Variants in CREBL2 observed in about 807,000 individuals in gnomAD.
CREBL2 encodes the protein cAMP responsive element binding protein like 2, also known as cAMP-responsive element-binding protein-like 2.
Under a neutral mutation model 19.5 loss-of-function variants are expected in CREBL2, and 4 were observed. That is an observed-to-expected ratio of 0.20 (90% confidence interval 0.10 to 0.47). The LOEUF is 0.47. Ranked by LOEUF, CREBL2 falls within the 20% of genes least tolerant of loss-of-function variation. The probability of loss-of-function intolerance (pLI) is 0.98; values close to 1 mark genes in which losing one functional copy is unlikely to be tolerated. For synonymous variants in CREBL2, 42 were observed against 46.6 expected (o/e 0.90, Z 0.40); for missense variants, 85 against 145.1 (o/e 0.59, Z 2.13).
chr12:12,620,665 A>G (rs1364186378), intron 1 of CREBL2, among the ~76,000 whole-genome samples: 1 of 152,210 alleles, frequency 6.6e-6, no homozygotes, highest in Non-Finnish European at 1.5e-5. Flanking sequence ...TCTAAGTTTA[A>G]TCTAAGTTTA....
intron 3 of CREBL2, among the ~76,000 whole-genome samples, chr12:12,641,242 T>C (rs1288006434): frequency 2.2e-5 from 1 of 45,076 alleles, no homozygotes; most frequent in Non-Finnish European, 4.9e-5. Context: ...ATTATTATTA[T>C]TATTATTATT....
Position 12,617,643 on chromosome 12 carries a change from C to CTTTTTTTTTTTTTTTTTTTTTTTTTTT in CREBL2, c.15+5468_15+5494dup, listed in dbSNP as rs66943066. 1.3e-4 allele frequency among the ~76,000 whole-genome samples: 5 copies of CTTTTTTTTTTTTTTTTTTTTTTTTTTT among 38,766 alleles called. 2 individuals are homozygous for CTTTTTTTTTTTTTTTTTTTTTTTTTTT. Among genetic ancestry groups the CTTTTTTTTTTTTTTTTTTTTTTTTTTT allele is most frequent in the Non-Finnish European group, 2.2e-4 (4 of 18,568 alleles). The allele number at this position is 38,766 out of a possible 152,430, so 25.4% of individuals were successfully genotyped here. On this transcript the variant is annotated intron_variant, in intron 1 of 3. Transcript: ENST00000228865. The stretch of plus-strand genomic sequence containing the variant: ...CCCTGAGATGCTCATTTTAGTAATT[C>CTTTTTTTTTTTTTTTTTTTTTTTTTTT]TTTTTTTTTTTTTTTTTTTTTTTTT...
intron 3 of CREBL2, among the ~76,000 whole-genome samples, chr12:12,641,309 T>G (rs1300734693): frequency 2.3e-5 from 3 of 133,096 alleles, no homozygotes; most frequent in African/African-American, 5.3e-5. Context: ...GAACAATGTT[T>G]CAATATTTTT....
chr12:12,620,531 C>T (rs1945351574), intron 1 of CREBL2, among the ~76,000 whole-genome samples: 1 of 152,142 alleles, frequency 6.6e-6, no homozygotes, highest in Non-Finnish European at 1.5e-5. Context: ...TGCCCGGCCG[C>T]CTTCCTTTCT....
chr12:12,617,460 T>G (rs17819152), intron 1 of CREBL2, among the ~76,000 whole-genome samples: 9,331 of 152,098 alleles, frequency 0.061, 555 homozygotes, highest in Admixed American at 0.18. Flanking sequence ...TTTCCTTATC[T>G]GTTAAATGTG....
At chr12:12,625,865 T>A (rs567808054) in intron 1 of CREBL2, among the ~76,000 whole-genome samples, 1 of 152,324 alleles carries the variant, frequency 6.6e-6, no homozygotes, top group African/African-American at 2.4e-5. Context: ...TTTGTATTTA[T>A]CCCTAGAGTT....
At chr12:12,628,878 A>C (rs34946234) in intron 1 of CREBL2, among the ~76,000 whole-genome samples, 1 of 152,064 alleles carries the variant, frequency 6.6e-6, no homozygotes, top group African/African-American at 2.4e-5. Flanking sequence ...TGAAGAGACT[A>C]TTCTTTCCCC....
intron 1 of CREBL2, among the ~76,000 whole-genome samples, chr12:12,632,822 T>G (rs1945450633): frequency 6.6e-6 from 1 of 151,876 alleles, no homozygotes; most frequent in African/African-American, 2.4e-5. Context: ...TTAACCCATT[T>G]TAATATCTGG....
At chr12:12,613,765 G>T (rs1016653246) in intron 1 of CREBL2, among the ~76,000 whole-genome samples, 5 of 152,072 alleles carry the variant, frequency 3.3e-5, no homozygotes, top group African/African-American at 9.7e-5. Context: ...TCTTGCCCTT[G>T]TTTGTTTACA....
chr12:12,621,829 G>T (rs1945362304), intron 1 of CREBL2, among the ~76,000 whole-genome samples: 1 of 152,180 alleles, frequency 6.6e-6, no homozygotes, highest in Admixed American at 6.5e-5. Context: ...GAAAACCAAG[G>T]CCATAAATGT....
chr12:12,631,832 CT>C (rs1482089318), intron 1 of CREBL2, among the ~76,000 whole-genome samples: 2 of 152,134 alleles, frequency 1.3e-5, no homozygotes, highest in East Asian at 1.9e-4. Flanking sequence ...TTACCAAATA[CT>C]TTTTTTCTTT....
intron 1 of CREBL2, among the ~76,000 whole-genome samples, chr12:12,613,860 G>A (rs1945285916): frequency 1.3e-5 from 2 of 150,452 alleles, no homozygotes; most frequent in Non-Finnish European, 2.9e-5. Context: ...TGGGGAAGTG[G>A]TATTTCCAAG....
chr12:12,612,074 A>C lies in CREBL2; in HGVS notation c.-99A>C. ...GCGAGAGGAGGAGGCAGCCAGAACC[A>C]TATCCCCTTCTTCCTCGGGGCGGGG... On this transcript the variant is annotated 5_prime_UTR_variant, in exon 1 of 4. Transcript: ENST00000228865. 2 of 1,457,504 alleles carry C rather than the reference A, an allele frequency of 1.4e-6. No homozygotes were observed. The highest frequency in any genetic ancestry group is 1.9e-6 in the Non-Finnish European group (2 of 1,050,390). The allele number at this position is 1,457,504 out of a possible 1,614,324, so 90.3% of individuals were successfully genotyped here.
At position 12,635,686 on chromosome 12, in the gene CREBL2, T is replaced by G. The variant is rs1592242079; in HGVS notation, c.16-91T>G. 4 of 1,447,640 alleles carry G rather than the reference T, an allele frequency of 2.8e-6. No individual in the cohort carries two copies. In the East Asian group the frequency reaches 7.4e-5, roughly 27 times the overall value. The allele number at this position is 1,447,640 out of a possible 1,614,324, so 89.7% of individuals were successfully genotyped here. On this transcript the variant is annotated intron_variant, in intron 1 of 3. Transcript: ENST00000228865. ...CGTAGGGCTTCACTCACGTTTTGTT[T>G]ATAAATGTTCTCTTTGCTAATATGC...
chr12:12,620,088 G>T (rs1945348466), intron 1 of CREBL2, among the ~76,000 whole-genome samples: 1 of 151,916 alleles, frequency 6.6e-6, no homozygotes, highest in Admixed American at 6.6e-5. Flanking sequence ...ACCTTCCTTG[G>T]GCCGTGCCTT....
chr12:12,620,729 TATTA>T (rs1945352838), intron 1 of CREBL2, among the ~76,000 whole-genome samples: 1 of 152,262 alleles, frequency 6.6e-6, no homozygotes. Flanking sequence ...AAAGTTTATT[TATTA>T]ATTCATTCAA....
At chr12:12,618,237 G>A (rs1365075248) in intron 1 of CREBL2, among the ~76,000 whole-genome samples, 1 of 152,032 alleles carries the variant, frequency 6.6e-6, no homozygotes, top group Admixed American at 6.5e-5. Flanking sequence ...TCCCAGACGG[G>A]GCGGCTGCCG....
intron 1 of CREBL2, among the ~76,000 whole-genome samples, chr12:12,612,562 C>A (rs949559841): frequency 8.5e-5 from 13 of 152,098 alleles, no homozygotes; most frequent in South Asian, 4.1e-4. Context: ...GCCTTATTCC[C>A]CTTGACGATT....
At chr12:12,618,026 C>A (rs950635941) in intron 1 of CREBL2, among the ~76,000 whole-genome samples, 3 of 150,144 alleles carry the variant, frequency 2.0e-5, no homozygotes, top group Admixed American at 1.3e-4. Context: ...CAGAAGAATT[C>A]TTCTTAGTAC....
Sources: gnomAD v4.1 joint callset for allele counts (sites outside exome capture counted in the v4.1 genomes callset) on GRCh38, gnomAD v4.1.1 for gene constraint, MANE v1.5 for transcripts, NCBI Gene and HGNC (gene_info 2026-07-23, HGNC 2026-07-21) for gene names.